The following RNF144A variants were observed in gnomAD, a reference collection of about 807,000 sequenced individuals.
RNF144A encodes the protein ring finger protein 144A, also known as E3 ubiquitin-protein ligase RNF144A.
In RNF144A, 11 loss-of-function variants were observed where a neutral mutation model predicts 38.7. The ratio of observed to expected loss-of-function variants is 0.28; its 90% confidence interval spans 0.18 to 0.47. The LOEUF is 0.47. Among genes scored for constraint, RNF144A ranks in the 20% least tolerant of loss-of-function variants. The pLI is 0.99. For missense variants in RNF144A, 316 were observed against 377.2 expected, an observed-to-expected ratio of 0.84 and a Z score of 1.34; for synonymous variants, 149 against 143.9, an observed-to-expected ratio of 1.04 and a Z score of -0.25.
intron 2 of RNF144A, among the ~76,000 whole-genome samples, chr2:6,979,477 A>C: frequency 6.6e-6 from 1 of 151,928 alleles, no homozygotes; most frequent in South Asian, 2.1e-4. Flanking sequence ...TACCTAGAAG[A>C]CTCTGTGATG....
Position 7,042,403 on chromosome 2 carries a change from A to T in RNF144A, c.*2643A>T, listed in dbSNP as rs55977534. Reference sequence around the variant, plus strand: ...CCATTGAAAAATGGCATTCACTCTTACAGATGGTGTTCACTGCAAGCCCCA... The same window carrying T: ...CCATTGAAAAATGGCATTCACTCTTTCAGATGGTGTTCACTGCAAGCCCCA... On this transcript the variant is annotated 3_prime_UTR_variant, in exon 9 of 9. Coordinates refer to ENST00000320892, the MANE Select transcript of RNF144A (RefSeq NM_014746.6). 0.082 allele frequency: 81,071 copies of T among 985,394 alleles called. 3,519 individuals are homozygous for T. Among genetic ancestry groups the T allele is most frequent in the Middle Eastern group, 0.18 (340 of 1,916 alleles). The allele number at this position is 985,394 out of a possible 1,614,324, so 61.0% of individuals were successfully genotyped here.
Position 7,039,696 on chromosome 2 carries a change from C to T in RNF144A, c.815C>T (p.Thr272Ile), listed in dbSNP as rs1672925834. 2 of 1,614,012 alleles carry T rather than the reference C, an allele frequency of 1.2e-6. No individual in the cohort carries two copies. The highest frequency in any genetic ancestry group is 1.7e-6 in the Non-Finnish European group (2 of 1,180,026). The change falls in exon 9 of 9, where the codon ACT (threonine) becomes ATT (isoleucine). Residue 272 changes from threonine to isoleucine, a missense_variant. Thr to Ile is a moderately conservative substitution (Grantham distance 89). Transcript: ENST00000320892. The part of the protein sequence containing the change: ...LVASPFLLLA[T>I]PFVLCCKCKC... ...GCCTCACCTTTCCTACTCCTGGCCA[C>T]TCCCTTTGTACTTTGCTGCAAGTGC...
intron 2 of RNF144A, among the ~76,000 whole-genome samples, chr2:6,963,452 C>T (rs778391153): frequency 6.6e-6 from 1 of 152,176 alleles, no homozygotes; most frequent in African/African-American, 2.4e-5. Flanking sequence ...TTAAATTCCT[C>T]GTGACTTGGT....
chr2:6,967,946 C>T (rs759975081), intron 2 of RNF144A, among the ~76,000 whole-genome samples: 1 of 152,212 alleles, frequency 6.6e-6, no homozygotes, highest in Non-Finnish European at 1.5e-5. Flanking sequence ...TTCAGTGGAC[C>T]TTCTGTTAGC....
At chr2:7,054,443 A>G (rs552857057) in intron 6 of RNF144A, among the ~76,000 whole-genome samples, 9 of 152,320 alleles carry the variant, frequency 5.9e-5, no homozygotes, top group Admixed American at 4.6e-4. Flanking sequence ...AGGGAATTAT[A>G]TAGGGTATGG....
downstream of RNF144A, among the ~76,000 whole-genome samples, chr2:7,045,904 C>CT (rs1028386562): frequency 2.0e-5 from 3 of 151,694 alleles, no homozygotes; most frequent in African/African-American, 7.3e-5. Context: ...TAGGAATTGC[C>CT]CCCCAGAAAA....
intron 2 of RNF144A, among the ~76,000 whole-genome samples, chr2:6,951,352 A>T (rs926805472): frequency 6.6e-6 from 1 of 151,674 alleles, no homozygotes; most frequent in Non-Finnish European, 1.5e-5. Context: ...GCCTGCTCTT[A>T]ATGACTCCAG....
chr2:6,933,683 T>A (rs1572210650), intron 1 of RNF144A, among the ~76,000 whole-genome samples: 2 of 150,226 alleles, frequency 1.3e-5, no homozygotes, highest in South Asian at 2.1e-4. Context: ...GTTTTTTTTT[T>A]AATTTTAATT....
chr2:7,002,438 C>T (rs1670170040), intron 3 of RNF144A, among the ~76,000 whole-genome samples: 1 of 152,170 alleles, frequency 6.6e-6, no homozygotes, highest in Non-Finnish European at 1.5e-5. Flanking sequence ...ACAGTGAATT[C>T]TGCCAGAAGT....
At chr2:7,022,194 A>T (rs1671580482) in intron 6 of RNF144A, among the ~76,000 whole-genome samples, 1 of 152,188 alleles carries the variant, frequency 6.6e-6, no homozygotes, top group African/African-American at 2.4e-5. Flanking sequence ...TGCCATTTAT[A>T]ACTGAGAAGA....
rs1172256288 is a variant in RNF144A at position 6,941,645 on chromosome 2, CA to C, written c.-12+500del. ...CGGAAGCAAATTATATACTATGCAA[CA>C]AGGCCTAGATATTGTAGAGAAAAGA... On this transcript the variant is annotated intron_variant, in intron 2 of 8. Coordinates refer to ENST00000320892, the MANE Select transcript of RNF144A (RefSeq NM_014746.6). The surrounding 1 kb of genome is among the most constrained non-coding windows in gnomAD (Gnocchi z 6.5). 6.6e-6 allele frequency among the ~76,000 whole-genome samples: 1 copy of C among 152,262 alleles called. No homozygotes were observed. The highest frequency in any genetic ancestry group is 1.5e-5 in the Non-Finnish European group (1 of 68,044).
Position 7,040,319 on chromosome 2 carries a change from A to G in RNF144A, c.*559A>G, listed in dbSNP as rs2103462763. 1.0e-6 allele frequency: 1 copy of G among 985,550 alleles called. No individual in the cohort carries two copies. The highest frequency in any genetic ancestry group is 4.7e-5 in the South Asian group (1 of 21,282). The allele number at this position is 985,550 out of a possible 1,614,324, so 61.1% of individuals were successfully genotyped here. The stretch of plus-strand genomic sequence containing the variant: ...TAAACCATCCTATGCCTTTCTTGAA[A>G]TGTGCATTTTAAGAAGTTATAGTTA... On this transcript the variant is annotated 3_prime_UTR_variant, in exon 9 of 9. Transcript: ENST00000320892.
chr2:6,948,304 T>A (rs1217712686), intron 2 of RNF144A, among the ~76,000 whole-genome samples: 1 of 152,192 alleles, frequency 6.6e-6, no homozygotes, highest in Non-Finnish European at 1.5e-5. Context: ...GGAGGTTGAT[T>A]TTTATTCTCA....
rs145451601 is a variant in RNF144A, at chr2:6,997,775, A to G, written c.135+714A>G. 5.4e-3 allele frequency among the ~76,000 whole-genome samples: 822 copies of G among 152,354 alleles called. 4 individuals are homozygous for G. The highest frequency in any genetic ancestry group is 0.018 in the African/African-American group (766 of 41,576). ...GCATAGAAGCCGGAAGTAGGACGGT[A>G]GTTTCCCGGGGTCTGCAGGGAATGG... On this transcript the variant is annotated intron_variant, in intron 3 of 8. Transcript: ENST00000320892.
chr2:7,017,533 A>G (rs1026539171), intron 5 of RNF144A, among the ~76,000 whole-genome samples: 3 of 152,104 alleles, frequency 2.0e-5, no homozygotes, highest in African/African-American at 7.2e-5. Flanking sequence ...GTTCTCTGTC[A>G]TGTACTTCTG....
At chr2:7,065,674 C>T (rs1331639443) in intron 6 of RNF144A, among the ~76,000 whole-genome samples, 1 of 152,130 alleles carries the variant, frequency 6.6e-6, no homozygotes, top group Non-Finnish European at 1.5e-5. Context: ...TCATAATGAA[C>T]TCTCTTCATA....
rs1664195998 is a variant in RNF144A, at chr2:6,917,528, G to A, written c.-306G>A. 1 of 146,124 alleles carries A rather than the reference G, an allele frequency of 6.8e-6. No individual in the cohort carries two copies. The highest frequency in any genetic ancestry group is 2.1e-4 in the South Asian group (1 of 4,832). The allele number at this position is 146,124 out of a possible 1,614,324, so 9.1% of individuals were successfully genotyped here. A position where few individuals can be genotyped will look rare whatever the true frequency, so the allele number is the denominator to read the frequency against. On this transcript the variant is annotated 5_prime_UTR_variant, in exon 1 of 9. Transcript: ENST00000320892. The surrounding 1 kb of genome is among the most constrained non-coding windows in gnomAD (Gnocchi z 4.8). ...GGGCCGTGCGGGCTGCGCGGGCGCGGGGAGGCGCGGGCGGCAAACTGCGGG... is the reference window on the plus strand; with the variant it reads ...GGGCCGTGCGGGCTGCGCGGGCGCGAGGAGGCGCGGGCGGCAAACTGCGGG...
Position 6,958,379 on chromosome 2 carries a change from AC to A in RNF144A, c.-12+17235del, listed in dbSNP as rs1421043373. On this transcript the variant is annotated intron_variant, in intron 2 of 8. Coordinates refer to ENST00000320892, the MANE Select transcript of RNF144A (RefSeq NM_014746.6). The surrounding 1 kb of genome is among the most constrained non-coding windows in gnomAD (Gnocchi z 4.5). ...TTTCCTCCCCGACACCCAGGTGACCACCCAGTTTGGGAGGAAAACAGAATAT... is the reference window on the plus strand; with the variant it reads ...TTTCCTCCCCGACACCCAGGTGACCACCAGTTTGGGAGGAAAACAGAATAT... 6.6e-6 allele frequency among the ~76,000 whole-genome samples: 1 copy of A among 152,224 alleles called. No homozygotes were observed. The highest frequency in any genetic ancestry group is 1.9e-4 in the East Asian group (1 of 5,192).
intron 2 of RNF144A, among the ~76,000 whole-genome samples, chr2:6,952,839 G>T (rs1443449244): frequency 1.3e-5 from 2 of 151,948 alleles, no homozygotes; most frequent in Non-Finnish European, 2.9e-5. Flanking sequence ...ATTATTCACA[G>T]ATTTTTAAAT....
Sources: allele counts gnomAD v4.1 joint callset (sites outside exome capture counted in the v4.1 genomes callset), GRCh38; gene constraint gnomAD v4.1.1; non-coding constraint Gnocchi (gnomAD v3.1); transcripts MANE v1.5; gene names NCBI Gene and HGNC (gene_info 2026-07-23, HGNC 2026-07-21).